Variants in STXBP5 observed in about 807,000 individuals in gnomAD.
STXBP5 encodes syntaxin-binding protein 5.
A neutral mutation model predicts 152.4 loss-of-function variants in STXBP5; 50 were observed. The observed-to-expected ratio is 0.33, with a 90% CI of 0.26 to 0.42. The LOEUF is 0.42. Among genes scored for constraint, STXBP5 ranks in the 10% least tolerant of loss-of-function variants. The probability of loss-of-function intolerance (pLI) is 1.00; values close to 1 mark genes in which losing one functional copy is unlikely to be tolerated. For missense variants in STXBP5, 1,167 were observed against 1,388.6 expected, an observed-to-expected ratio of 0.84 and a Z score of 2.54; for synonymous variants, 492 against 494.7, an observed-to-expected ratio of 0.99 and a Z score of 0.07.
chr6:147,218,829 T>G (rs1777312749), intron 2 of STXBP5, among the ~76,000 whole-genome samples: 2 of 152,196 alleles, frequency 1.3e-5, no homozygotes, highest in South Asian at 4.1e-4. Context: ...TATAATCACA[T>G]ATTGGTTGCA....
At chr6:147,345,339 T>A (rs1359408300) in intron 21 of STXBP5, among the ~76,000 whole-genome samples, 1 of 152,180 alleles carries the variant, frequency 6.6e-6, no homozygotes, top group Non-Finnish European at 1.5e-5. Context: ...GTATTATTAG[T>A]TCTAATGGCT....
intron 26 of STXBP5, among the ~76,000 whole-genome samples, chr6:147,376,317 T>C (rs575410727): frequency 1.3e-5 from 2 of 152,256 alleles, no homozygotes; most frequent in South Asian, 4.1e-4. Context: ...CCTGTAAAAC[T>C]TAGAAAAATA....
chr6:147,365,124 A>T (rs1438688110), intron 25 of STXBP5, among the ~76,000 whole-genome samples: 5 of 152,194 alleles, frequency 3.3e-5, no homozygotes, highest in Non-Finnish European at 7.4e-5. Context: ...TAAATGTCAG[A>T]TGTTGTTGTC....
Position 147,350,347 on chromosome 6 carries a change from C to T in STXBP5, c.2255-2976C>T, listed in dbSNP as rs181682688. 1.5e-3 allele frequency among the ~76,000 whole-genome samples: 223 copies of T among 152,014 alleles called. 1 individual carries two copies. The highest frequency in any genetic ancestry group is 5.1e-3 in the African/African-American group (211 of 41,492). On this transcript the variant is annotated intron_variant, in intron 21 of 27. Coordinates refer to ENST00000321680, the MANE Select transcript of STXBP5 (RefSeq NM_001127715.4). ...CCTAAGGAAGATCAAAAGCATGCAC[C>T]TAGAAAATTCAGAAGGAAATTTTCT...
At chr6:147,345,247 GA>G (rs1784273379) in intron 21 of STXBP5, among the ~76,000 whole-genome samples, 1 of 152,012 alleles carries the variant, frequency 6.6e-6, no homozygotes. Context: ...TTAAATGCTG[GA>G]AACAGACATA....
At chr6:147,351,421 T>C (rs1784585261) in intron 21 of STXBP5, among the ~76,000 whole-genome samples, 1 of 152,238 alleles carries the variant, frequency 6.6e-6, no homozygotes, top group Admixed American at 6.5e-5. Context: ...ATGCACATTG[T>C]ATAGATACTA....
At chr6:147,360,975 A>C (rs1785038957) in intron 23 of STXBP5, among the ~76,000 whole-genome samples, 1 of 152,206 alleles carries the variant, frequency 6.6e-6, no homozygotes, top group South Asian at 2.1e-4. Context: ...TTAAATAATC[A>C]GTTTAATTTA....
chr6:147,278,565 T>C lies in STXBP5; in HGVS notation c.838+361T>C, dbSNP rs1027444943. ...CTGTCAGTTGCAGGTTGTTAATATA[T>C]AAATAACAGTGAACTTGAAATACTT... On this transcript the variant is annotated intron_variant, in intron 8 of 27. Transcript: ENST00000321680. Among the ~76,000 whole-genome samples the C allele has an allele frequency of 3.3e-5, 5 of 152,178 alleles. No individual in the cohort carries two copies. In the East Asian group the frequency reaches 9.6e-4, roughly 29 times the overall value.
At chr6:147,293,364 C>G (rs533431181) in intron 9 of STXBP5, 13 of 152,248 alleles carry the variant, frequency 8.5e-5, no homozygotes, top group African/African-American at 2.9e-4. Flanking sequence ...TCAGTAAATT[C>G]AACATATTCT....
At chr6:147,361,492 A>G (rs1785064509) in intron 23 of STXBP5, among the ~76,000 whole-genome samples, 1 of 152,166 alleles carries the variant, frequency 6.6e-6, no homozygotes, top group Admixed American at 6.5e-5. Flanking sequence ...AGTGACACTC[A>G]TGTCATCGGT....
rs1778406405 is a variant in STXBP5 at position 147,238,972 on chromosome 6, C to G, written c.331-198C>G. On this transcript the variant is annotated intron_variant, in intron 3 of 27. Transcript: ENST00000321680. Reference sequence around the variant, plus strand: ...TACTTTAAAGTATTGAAGAAGTTAACGTATTTACATGCATGTAATACACGT... The same window carrying G: ...TACTTTAAAGTATTGAAGAAGTTAAGGTATTTACATGCATGTAATACACGT... 2.0e-5 allele frequency among the ~76,000 whole-genome samples: 3 copies of G among 152,230 alleles called. No individual in the cohort carries two copies. In the South Asian group the frequency reaches 6.2e-4, roughly 32 times the overall value.
Position 147,223,885 on chromosome 6 carries a change from G to A in STXBP5, c.249-11365G>A, listed in dbSNP as rs920793050. On this transcript the variant is annotated intron_variant, in intron 2 of 27. Transcript: ENST00000321680. ...AATTACTGTATATAGAGAGGATGTC[G>A]TTTTAAAGCAGTCATAACATCTTGA... 5.9e-5 allele frequency among the ~76,000 whole-genome samples: 9 copies of A among 152,136 alleles called. No individual in the cohort carries two copies. The South Asian group carries it at 6.2e-4, about 10-fold the overall frequency.
chr6:147,304,230 G>A (rs1048194093), intron 9 of STXBP5, among the ~76,000 whole-genome samples: 4 of 152,184 alleles, frequency 2.6e-5, no homozygotes, highest in African/African-American at 9.7e-5. Flanking sequence ...TTGCCGCTTT[G>A]TGCAGTCTCT....
chr6:147,240,005 T>C (rs984721759), intron 4 of STXBP5, among the ~76,000 whole-genome samples: 5 of 151,784 alleles, frequency 3.3e-5, no homozygotes, highest in African/African-American at 1.2e-4. Flanking sequence ...TGCAGTGGCA[T>C]GATCTGGGCT....
At chr6:147,363,027 C>G (rs1785134048) in intron 23 of STXBP5, among the ~76,000 whole-genome samples, 1 of 152,196 alleles carries the variant, frequency 6.6e-6, no homozygotes, top group African/African-American at 2.4e-5. Flanking sequence ...GAAAACAGTT[C>G]CAGATACTCC....
chr6:147,276,889 A>G (rs1207712895), intron 7 of STXBP5, among the ~76,000 whole-genome samples: 1 of 152,114 alleles, frequency 6.6e-6, no homozygotes, highest in African/African-American at 2.4e-5. Flanking sequence ...AGGAATTAGA[A>G]TCGATTATGG....
chr6:147,375,455 T>C (rs913783329), intron 26 of STXBP5, among the ~76,000 whole-genome samples: 5 of 151,896 alleles, frequency 3.3e-5, no homozygotes, highest in African/African-American at 1.2e-4. Flanking sequence ...GAAAGAATTA[T>C]GTAACTTAAA....
rs1783366414 is a variant in STXBP5, at chr6:147,328,134, A to G, written c.2080+858A>G. Among the ~76,000 whole-genome samples, 4 of 152,350 alleles carry G rather than the reference A, an allele frequency of 2.6e-5. No individual in the cohort carries two copies. The South Asian group carries it at 8.3e-4, about 32-fold the overall frequency. Reference sequence around the variant, plus strand: ...TCTACTGTAATACCTCAAGGTACACATGTATACTTAGCTATATATACCAGT... The same window carrying G: ...TCTACTGTAATACCTCAAGGTACACGTGTATACTTAGCTATATATACCAGT... On this transcript the variant is annotated intron_variant, in intron 18 of 27. Transcript: ENST00000321680.
chr6:147,314,640 A>G lies in STXBP5; in HGVS notation c.1402+4A>G. Reference sequence around the variant, plus strand: ...AAGTTCTGGGATGCTTCTGCAAGTAAGTATTTTTAATATTCATTATTTGTT... The same window carrying G: ...AAGTTCTGGGATGCTTCTGCAAGTAGGTATTTTTAATATTCATTATTTGTT... On this transcript the variant is annotated splice_donor_region_variant and intron_variant, in intron 14 of 27. Coordinates refer to ENST00000321680, the MANE Select transcript of STXBP5 (RefSeq NM_001127715.4). The G allele has an allele frequency of 6.2e-7, 1 of 1,603,980 alleles. No homozygotes were observed. Among genetic ancestry groups the G allele is most frequent in the South Asian group, 1.1e-5 (1 of 89,018 alleles).
Sources: allele counts gnomAD v4.1 joint callset (sites outside exome capture counted in the v4.1 genomes callset), GRCh38; gene constraint gnomAD v4.1.1; transcripts MANE v1.5; gene names NCBI Gene and HGNC (gene_info 2026-07-23, HGNC 2026-07-21).